Variants in CNTNAP5 observed in about 807,000 individuals in gnomAD.
CNTNAP5 encodes the protein contactin associated protein family member 5, also known as contactin-associated protein-like 5.
In CNTNAP5, 72 loss-of-function variants were observed where a neutral mutation model predicts 150.2. The ratio of observed to expected loss-of-function variants is 0.48; its 90% confidence interval spans 0.40 to 0.58. The LOEUF is 0.58. Ranked by LOEUF, CNTNAP5 falls within the 20% of genes least tolerant of loss-of-function variation. CNTNAP5 has a pLI of 0.00. For synonymous variants in CNTNAP5, 672 were observed against 619.8 expected (o/e 1.08, Z -1.25); for missense variants, 1,636 against 1,626.2 (o/e 1.01, Z -0.10).
chr2:124,777,402 T>TCTCTCTCCATCGCCCAGG (rs1278871695), intron 17 of CNTNAP5, among the ~76,000 whole-genome samples: 1 of 151,998 alleles, frequency 6.6e-6, no homozygotes, highest in African/African-American at 2.4e-5. Flanking sequence ...TGAAACAGAG[T>TCTCTCTCCATCGCCCAGG]CTCTCTCCAT....
At position 124,474,834 on chromosome 2, in the gene CNTNAP5, A is replaced by C; in HGVS notation, c.1014A>C (p.Val338=). The change falls in exon 7 of 24, where the codon GTA becomes GTC. Residue 338 remains valine, a synonymous_variant. Transcript: ENST00000682447. ...TCGAAAACCTTTACTACAATGGAGTAAACATAATTGACCTGGCTAAGAGAC... is the reference window on the plus strand; with the variant it reads ...TCGAAAACCTTTACTACAATGGAGTCAACATAATTGACCTGGCTAAGAGAC... The part of the protein sequence containing the change: ...GCIENLYYNG[V]NIIDLAKRRK... The C allele has an allele frequency of 6.2e-7, 1 of 1,608,432 alleles. No individual in the cohort carries two copies. The highest frequency in any genetic ancestry group is 1.7e-4 in the Middle Eastern group (1 of 6,036).
At chr2:124,047,265 G>A (rs764810816) in intron 1 of CNTNAP5, among the ~76,000 whole-genome samples, 5 of 152,216 alleles carry the variant, frequency 3.3e-5, no homozygotes, top group Non-Finnish European at 5.9e-5. Flanking sequence ...CACATAGCTG[G>A]AAAGTGAAAT....
At chr2:124,559,642 T>A (rs1558953775) in intron 10 of CNTNAP5, among the ~76,000 whole-genome samples, 1 of 152,314 alleles carries the variant, frequency 6.6e-6, no homozygotes, top group East Asian at 1.9e-4. Flanking sequence ...TCTTTCCACT[T>A]CCCAGTTCTA....
At chr2:124,032,682 C>T (rs1681089105) in intron 1 of CNTNAP5, among the ~76,000 whole-genome samples, 1 of 151,934 alleles carries the variant, frequency 6.6e-6, no homozygotes, top group African/African-American at 2.4e-5. Context: ...GTATAGAATA[C>T]ATTTTACATT....
intron 13 of CNTNAP5, among the ~76,000 whole-genome samples, chr2:124,713,065 G>C (rs1679840506): frequency 6.6e-6 from 1 of 152,068 alleles, no homozygotes; most frequent in South Asian, 2.1e-4. Flanking sequence ...CACACATTTA[G>C]ACCACAGCAT....
At chr2:124,644,172 G>C (rs1678154451) in intron 12 of CNTNAP5, among the ~76,000 whole-genome samples, 2 of 152,166 alleles carry the variant, frequency 1.3e-5, no homozygotes, top group African/African-American at 4.8e-5. Context: ...AATGAATTTT[G>C]CTTGTTAAAA....
intron 13 of CNTNAP5, among the ~76,000 whole-genome samples, chr2:124,668,040 G>A (rs1678736446): frequency 6.6e-6 from 1 of 152,200 alleles, no homozygotes; most frequent in African/African-American, 2.4e-5. Flanking sequence ...GAATGGAAAA[G>A]TCATTACAGG....
intron 8 of CNTNAP5, among the ~76,000 whole-genome samples, chr2:124,506,969 T>C (rs1694420551): frequency 6.6e-6 from 1 of 152,162 alleles, no homozygotes; most frequent in South Asian, 2.1e-4. Flanking sequence ...CCTCAAGTTA[T>C]TTGAGAATAA....
intron 3 of CNTNAP5, among the ~76,000 whole-genome samples, chr2:124,366,661 A>T (rs1253004260): frequency 6.6e-6 from 1 of 152,178 alleles, no homozygotes; most frequent in African/African-American, 2.4e-5. Context: ...TTAATGACAA[A>T]CCACAGCAAC....
At chr2:124,882,514 G>GT (rs1677984059) in intron 21 of CNTNAP5, among the ~76,000 whole-genome samples, 1 of 152,120 alleles carries the variant, frequency 6.6e-6, no homozygotes, top group Admixed American at 6.5e-5. Context: ...AAAACTATGT[G>GT]TAACCAAGGT....
At chr2:124,848,033 A>G (rs1339952466) in intron 19 of CNTNAP5, among the ~76,000 whole-genome samples, 4 of 152,214 alleles carry the variant, frequency 2.6e-5, no homozygotes, top group Non-Finnish European at 4.4e-5. Context: ...TACATTCAAG[A>G]TGTACAATGT....
At chr2:124,654,048 T>G (rs1302738781) in intron 13 of CNTNAP5, among the ~76,000 whole-genome samples, 1 of 151,894 alleles carries the variant, frequency 6.6e-6, no homozygotes, top group African/African-American at 2.4e-5. Context: ...GTCCTCCCAG[T>G]GTGCAGGAGC....
chr2:124,403,240 A>G (rs528147125), intron 3 of CNTNAP5, among the ~76,000 whole-genome samples: 2 of 152,294 alleles, frequency 1.3e-5, no homozygotes, highest in Admixed American at 1.3e-4. Context: ...ACACTGTCAT[A>G]CAAAGATATT....
At chr2:124,856,993 G>A (rs895439906) in intron 19 of CNTNAP5, among the ~76,000 whole-genome samples, 16 of 152,154 alleles carry the variant, frequency 1.1e-4, no homozygotes, top group Admixed American at 5.9e-4. Context: ...GCTCACAGGA[G>A]TGATACAAAA....
At chr2:124,874,826 A>AT (rs1404553868) in intron 21 of CNTNAP5, among the ~76,000 whole-genome samples, 1 of 152,066 alleles carries the variant, frequency 6.6e-6, no homozygotes, top group South Asian at 2.1e-4. Context: ...TGATAGCATT[A>AT]TTTTTTTATG....
intron 6 of CNTNAP5, among the ~76,000 whole-genome samples, chr2:124,453,288 G>A (rs1467864067): frequency 1.3e-5 from 2 of 152,156 alleles, no homozygotes; most frequent in East Asian, 3.9e-4. Flanking sequence ...GAACTTCGGA[G>A]CTCAGAGACA....
At chr2:124,339,636 C>T (rs1689561251) in intron 3 of CNTNAP5, among the ~76,000 whole-genome samples, 2 of 152,110 alleles carry the variant, frequency 1.3e-5, no homozygotes, top group South Asian at 4.1e-4. Context: ...TTTTCGTGCT[C>T]ACTGTACAGA....
intron 16 of CNTNAP5, among the ~76,000 whole-genome samples, chr2:124,765,394 A>G (rs2104602403): frequency 6.6e-6 from 1 of 152,278 alleles, no homozygotes; most frequent in Non-Finnish European, 1.5e-5. Flanking sequence ...ATTCAACATT[A>G]GATTTGAGTC....
chr2:124,648,497 T>G (rs1678253434), intron 13 of CNTNAP5, among the ~76,000 whole-genome samples: 1 of 152,064 alleles, frequency 6.6e-6, no homozygotes, highest in Non-Finnish European at 1.5e-5. Flanking sequence ...AATAGGGGCT[T>G]TAGGGGAAAT....
Sources: gnomAD v4.1 joint callset for allele counts (sites outside exome capture counted in the v4.1 genomes callset) on GRCh38, gnomAD v4.1.1 for gene constraint, MANE v1.5 for transcripts, NCBI Gene and HGNC (gene_info 2026-07-23, HGNC 2026-07-21) for gene names.